The following TRPC7 variants were observed in gnomAD, a reference collection of about 807,000 sequenced individuals.
TRPC7 encodes transient receptor potential cation channel subfamily C member 7.
A neutral mutation model predicts 90.1 loss-of-function variants in TRPC7; 42 were observed. That is an observed-to-expected ratio of 0.47 (90% confidence interval 0.36 to 0.60). The LOEUF is 0.60. TRPC7 is among the 20% of genes least tolerant of loss of function. The pLI, the probability that TRPC7 is intolerant of heterozygous loss-of-function variation, is 0.00. For missense variants in TRPC7, 955 were observed against 1,112.3 expected, an observed-to-expected ratio of 0.86 and a Z score of 2.01; for synonymous variants, 451 against 436.3, an observed-to-expected ratio of 1.03 and a Z score of -0.42.
chr5:136,308,423 G>T (rs1758716444), intron 3 of TRPC7, among the ~76,000 whole-genome samples: 1 of 152,222 alleles, frequency 6.6e-6, no homozygotes, highest in Non-Finnish European at 1.5e-5. Context: ...CTGTGTCTGT[G>T]ACAACTCTGA....
At chr5:136,274,087 G>A (rs1457610825) in intron 4 of TRPC7, among the ~76,000 whole-genome samples, 3 of 152,092 alleles carry the variant, frequency 2.0e-5, no homozygotes, top group Non-Finnish European at 4.4e-5. Flanking sequence ...CTAATTAGCT[G>A]CCCATGTGAG....
chr5:136,244,825 A>C (rs973483716), intron 7 of TRPC7, among the ~76,000 whole-genome samples: 2 of 152,206 alleles, frequency 1.3e-5, no homozygotes, highest in South Asian at 2.1e-4. Context: ...AAAGTAGTCC[A>C]GCTGATTCAA....
At chr5:136,356,018 A>G (rs938382719) in intron 2 of TRPC7, among the ~76,000 whole-genome samples, 2 of 152,154 alleles carry the variant, frequency 1.3e-5, no homozygotes, top group East Asian at 3.9e-4. Context: ...GAGCTCGTCT[A>G]CTAGGTTGAC....
intron 2 of TRPC7, among the ~76,000 whole-genome samples, chr5:136,355,996 G>T (rs931049529): frequency 6.6e-6 from 1 of 152,128 alleles, no homozygotes; most frequent in African/African-American, 2.4e-5. Context: ...GATTTAATTA[G>T]AGCTTTCGCC....
At chr5:136,241,586 C>T (rs1756166778) in intron 7 of TRPC7, among the ~76,000 whole-genome samples, 2 of 151,464 alleles carry the variant, frequency 1.3e-5, no homozygotes, top group Admixed American at 6.6e-5. Context: ...GATGTAGTCT[C>T]ACTCTGTCAC....
chr5:136,345,960 C>T (rs1351074081), intron 2 of TRPC7, among the ~76,000 whole-genome samples: 2 of 152,130 alleles, frequency 1.3e-5, no homozygotes, highest in Admixed American at 6.5e-5. Flanking sequence ...ATAGGGAATC[C>T]TTTCCCCATT....
Position 136,258,658 on chromosome 5 carries a change from T to A in TRPC7, c.1346-6776A>T, listed in dbSNP as rs74706341. Reference sequence around the variant, plus strand: ...CTTCTTATAGGCAGGTTCTGAGTAATGTCCTGCAGGCTGTGGAGATGGAGC... The same window carrying A: ...CTTCTTATAGGCAGGTTCTGAGTAAAGTCCTGCAGGCTGTGGAGATGGAGC... On this transcript the variant is annotated intron_variant, in intron 5 of 11. Transcript: ENST00000513104. Among the ~76,000 whole-genome samples, 1,421 of 152,358 alleles carry A rather than the reference T, an allele frequency of 9.3e-3. 8 individuals are homozygous for A. The highest frequency in any genetic ancestry group is 0.016 in the Non-Finnish European group (1,060 of 68,030).
intron 2 of TRPC7, among the ~76,000 whole-genome samples, chr5:136,340,123 G>T (rs1759798425): frequency 6.6e-6 from 1 of 152,284 alleles, no homozygotes; most frequent in African/African-American, 2.4e-5. Flanking sequence ...ATACACATTG[G>T]AATACTATCT....
intron 10 of TRPC7, among the ~76,000 whole-genome samples, chr5:136,216,905 C>T (rs574049866): frequency 1.3e-5 from 2 of 152,336 alleles, no homozygotes; most frequent in East Asian, 1.9e-4. Flanking sequence ...CTGCCGGAGT[C>T]ACACTGGAGC....
chr5:136,318,825 G>A (rs989835357), intron 2 of TRPC7, among the ~76,000 whole-genome samples: 13 of 151,810 alleles, frequency 8.6e-5, no homozygotes, highest in African/African-American at 2.4e-4. Flanking sequence ...GCCACTGACT[G>A]TACCTCCTTT....
intron 7 of TRPC7, among the ~76,000 whole-genome samples, chr5:136,234,524 G>A (rs1755926657): frequency 6.6e-6 from 1 of 152,066 alleles, no homozygotes. Context: ...TGGCCAGGCT[G>A]GTCTTGAACT....
chr5:136,266,839 T>C (rs1580880380), intron 4 of TRPC7, among the ~76,000 whole-genome samples: 1 of 152,324 alleles, frequency 6.6e-6, no homozygotes. Context: ...ATTCTAAGGG[T>C]ATTTGTTCTC....
Position 136,234,445 on chromosome 5 carries a change from G to A in TRPC7, c.1845-2896C>T, listed in dbSNP as rs372667882. 1.3e-4 allele frequency among the ~76,000 whole-genome samples: 20 copies of A among 152,206 alleles called. 2 individuals carry two copies. The East Asian group carries it at 2.7e-3, about 21-fold the overall frequency. On this transcript the variant is annotated intron_variant, in intron 7 of 11. Transcript: ENST00000513104. The stretch of plus-strand genomic sequence containing the variant: ...CTGCCTCAGCCTTCAGAGTAGCTGG[G>A]ATTACAGGCGCGCGCCACTGTGCCC...
At position 136,226,055 on chromosome 5, in the gene TRPC7, GC is replaced by G; in HGVS notation, c.2240del (p.Gly747AlafsTer3). 2 of 1,599,644 alleles carry G rather than the reference GC, an allele frequency of 1.3e-6. No homozygotes were observed. The highest frequency in any genetic ancestry group is 1.1e-5 in the South Asian group (1 of 88,236). ...AKSCENDLEM[G>X]MLNSKFKKTR... is the part of the protein sequence containing the mutation. ...CTACCTTGAATTTGGAATTCAGCAT[GC>G]CCATTTCAAGGTCATTTTCACAGCT... On this transcript the variant is annotated frameshift_variant, in exon 9 of 12. Coordinates refer to ENST00000513104, the MANE Select transcript of TRPC7 (RefSeq NM_020389.3). LOFTEE classifies it high-confidence loss of function.
At position 136,338,217 on chromosome 5, in the gene TRPC7, G is replaced by A. The variant is rs192259121; in HGVS notation, c.780+18391C>T. Reference sequence around the variant, plus strand: ...TGGGAGATGGAGAGATCATAGTAACGTAAAAGACGATCACACTACTAAGCA... The same window carrying A: ...TGGGAGATGGAGAGATCATAGTAACATAAAAGACGATCACACTACTAAGCA... On this transcript the variant is annotated intron_variant, in intron 2 of 11. Coordinates refer to ENST00000513104, the MANE Select transcript of TRPC7 (RefSeq NM_020389.3). Among the ~76,000 whole-genome samples, 258 of 152,268 alleles carry A rather than the reference G, an allele frequency of 1.7e-3. 1 individual carries two copies. The highest frequency in any genetic ancestry group is 5.9e-3 in the African/African-American group (244 of 41,562).
intron 7 of TRPC7, among the ~76,000 whole-genome samples, chr5:136,243,750 T>G (rs990426545): frequency 2.0e-5 from 3 of 152,092 alleles, no homozygotes; most frequent in Non-Finnish European, 4.4e-5. Flanking sequence ...AGATGACATT[T>G]ACAAAAATCC....
chr5:136,327,914 A>T (rs933343038), intron 2 of TRPC7, among the ~76,000 whole-genome samples: 2 of 152,192 alleles, frequency 1.3e-5, no homozygotes, highest in African/African-American at 4.8e-5. Flanking sequence ...ATTTTTATTA[A>T]TTAAAACTGG....
At chr5:136,217,549 G>A (rs1755309716) in intron 10 of TRPC7, among the ~76,000 whole-genome samples, 1 of 152,198 alleles carries the variant, frequency 6.6e-6, no homozygotes, top group Admixed American at 6.5e-5. Context: ...CCAACTGGCT[G>A]TGTGGTTTGA....
At chr5:136,328,071 A>G (rs1266152161) in intron 2 of TRPC7, among the ~76,000 whole-genome samples, 2 of 152,210 alleles carry the variant, frequency 1.3e-5, no homozygotes, top group Non-Finnish European at 2.9e-5. Context: ...CACCGTATCA[A>G]TAAACTCATG....
Sources: gnomAD v4.1 joint callset for allele counts (sites outside exome capture counted in the v4.1 genomes callset) on GRCh38, gnomAD v4.1.1 for gene constraint, MANE v1.5 for transcripts, NCBI Gene and HGNC (gene_info 2026-07-23, HGNC 2026-07-21) for gene names.